Variants in ADAMTS19 observed in about 807,000 individuals in gnomAD.
The protein encoded by ADAMTS19 is A disintegrin and metalloproteinase with thrombospondin motifs 19.
In ADAMTS19, 93 loss-of-function variants were observed where a neutral mutation model predicts 153.3. The ratio of observed to expected loss-of-function variants is 0.61; its 90% CI spans 0.51 to 0.72. ADAMTS19 has a LOEUF of 0.72. Ranked by LOEUF, ADAMTS19 falls within the 30% of genes least tolerant of loss-of-function variation. The pLI, the probability that ADAMTS19 is intolerant of heterozygous loss-of-function variation, is 0.00. For missense variants in ADAMTS19, 1,482 were observed against 1,552.1 expected (o/e 0.95, Z 0.76); for synonymous variants, 600 against 556.6 (o/e 1.08, Z -1.10).
intron 6 of ADAMTS19, among the ~76,000 whole-genome samples, chr5:129,539,082 T>G (rs1440788838): frequency 2.6e-5 from 4 of 152,150 alleles, no homozygotes; most frequent in African/African-American, 4.8e-5. Flanking sequence ...TGGCAAGTAT[T>G]TTTATGTTAT....
chr5:129,534,610 G>A (rs1752344983), intron 6 of ADAMTS19, among the ~76,000 whole-genome samples: 1 of 152,018 alleles, frequency 6.6e-6, no homozygotes, highest in Non-Finnish European at 1.5e-5. Context: ...GCCTGGCAGA[G>A]ACACAACAAA....
At chr5:129,478,227 G>C (rs1750290462) in intron 2 of ADAMTS19, among the ~76,000 whole-genome samples, 1 of 152,134 alleles carries the variant, frequency 6.6e-6, no homozygotes, top group Non-Finnish European at 1.5e-5. Context: ...TCTATAGGGT[G>C]TTGCTATGTA....
chr5:129,651,220 GATTTTCCATTTGAGCTCCAAACTTGT>G (rs1219113630), intron 13 of ADAMTS19, among the ~76,000 whole-genome samples: 1 of 152,132 alleles, frequency 6.6e-6, no homozygotes, highest in African/African-American at 2.4e-5. Context: ...TCTTCAACTA[GATTTTCCATTTGAGCTCCAAACTTGT>G]ATGTACAACT....
chr5:129,617,659 A>G (rs918288911), intron 8 of ADAMTS19, among the ~76,000 whole-genome samples: 28 of 152,024 alleles, frequency 1.8e-4, no homozygotes, highest in African/African-American at 5.8e-4. Context: ...CATGGCAGAG[A>G]GGAGACAGGA....
chr5:129,628,148 G>C (rs1477415965), intron 10 of ADAMTS19, among the ~76,000 whole-genome samples: 3 of 152,072 alleles, frequency 2.0e-5, no homozygotes, highest in African/African-American at 7.2e-5. Context: ...CGTGTCTTTT[G>C]CAGGAACATG....
chr5:129,670,531 AT>A (rs1188275457), intron 16 of ADAMTS19, among the ~76,000 whole-genome samples: 1 of 152,126 alleles, frequency 6.6e-6, no homozygotes, highest in Non-Finnish European at 1.5e-5. Context: ...GTGAATCTAG[AT>A]TTGAACCCGA....
chr5:129,544,653 T>C (rs901592502), intron 6 of ADAMTS19, among the ~76,000 whole-genome samples: 8 of 152,096 alleles, frequency 5.3e-5, no homozygotes, highest in Non-Finnish European at 1.2e-4. Flanking sequence ...GCAACTAAGG[T>C]AATGTGGTAG....
intron 8 of ADAMTS19, among the ~76,000 whole-genome samples, chr5:129,605,487 C>T (rs1353207455): frequency 1.3e-5 from 2 of 152,176 alleles, no homozygotes; most frequent in Non-Finnish European, 2.9e-5. Context: ...CTTTAGTTCT[C>T]CACTCACGTA....
chr5:129,706,464 G>A (rs1756156055), intron 21 of ADAMTS19, among the ~76,000 whole-genome samples: 1 of 151,798 alleles, frequency 6.6e-6, no homozygotes, highest in African/African-American at 2.4e-5. Context: ...AGCTACTAGG[G>A]AGACTGAGGC....
chr5:129,658,042 T>C (rs1753619577), intron 14 of ADAMTS19, among the ~76,000 whole-genome samples: 2 of 152,094 alleles, frequency 1.3e-5, no homozygotes, highest in Non-Finnish European at 2.9e-5. Flanking sequence ...CCTAACAGTT[T>C]GGGAGGCCAA....
chr5:129,500,956 A>T (rs368875212), intron 2 of ADAMTS19, among the ~76,000 whole-genome samples: 1 of 152,232 alleles, frequency 6.6e-6, no homozygotes, highest in African/African-American at 2.4e-5. Flanking sequence ...ACAAAGTAGA[A>T]TATAAAATTC....
In ADAMTS19 at chr5:129,684,171, C is replaced by G; in HGVS notation, c.2716C>G (p.Pro906Ala). Reference sequence around the variant, plus strand: ...TGGTCTTCACTATGAATACACTATCCCATCAGACCCTCTTCCAGAAAACCA... The same window carrying G: ...TGGTCTTCACTATGAATACACTATCGCATCAGACCCTCTTCCAGAAAACCA... ...NYGLHYEYTI[P>A]SDPLPENQSS... is the part of the protein sequence containing the mutation. The change falls in exon 18 of 23, where the codon CCA (proline) becomes GCA (alanine). Residue 906 changes from proline to alanine, a missense_variant. Coordinates refer to ENST00000274487, the MANE Select transcript of ADAMTS19 (RefSeq NM_133638.6). 3 of 1,614,046 alleles carry G rather than the reference C, an allele frequency of 1.9e-6. No individual in the cohort carries two copies. In the South Asian group the frequency reaches 3.3e-5, roughly 18 times the overall value.
chr5:129,685,593 T>C (rs1755048084), intron 18 of ADAMTS19, among the ~76,000 whole-genome samples: 1 of 152,124 alleles, frequency 6.6e-6, no homozygotes, highest in Non-Finnish European at 1.5e-5. Context: ...ATTAATAAAG[T>C]GTTTGGCTCC....
intron 2 of ADAMTS19, among the ~76,000 whole-genome samples, chr5:129,507,396 C>T (rs978498389): frequency 2.6e-5 from 4 of 151,818 alleles, no homozygotes; most frequent in Non-Finnish European, 5.9e-5. Context: ...ATAATTTTAT[C>T]TTTAATATTT....
At position 129,608,122 on chromosome 5, in the gene ADAMTS19, A is replaced by G. The variant is rs1241021234; in HGVS notation, c.1478+11458A>G. On this transcript the variant is annotated intron_variant, in intron 8 of 22. Transcript: ENST00000274487. The stretch of plus-strand genomic sequence containing the variant: ...TGTGTGTGTGTGTGTGTGTGTATAT[A>G]TATATATATATATATATAATGGAAC... Among the ~76,000 whole-genome samples, 162 of 97,296 alleles carry G rather than the reference A, an allele frequency of 1.7e-3. 2 individuals are homozygous for G. The highest frequency in any genetic ancestry group is 4.9e-3 in the Middle Eastern group (1 of 206). The allele number at this position is 97,296 out of a possible 152,430, so 63.8% of individuals were successfully genotyped here.
chr5:129,575,280 G>A lies in ADAMTS19; in HGVS notation c.1373-21279G>A, dbSNP rs181421000. 6.6e-5 allele frequency among the ~76,000 whole-genome samples: 10 copies of A among 152,098 alleles called. No individual in the cohort carries two copies. The East Asian group carries it at 1.9e-3, about 29-fold the overall frequency. Reference sequence around the variant, plus strand: ...GTGCTTTTGCTAGTATACTAAAAAAGCAATTTATACAGCTTTTTGCTAGCA... The same window carrying A: ...GTGCTTTTGCTAGTATACTAAAAAAACAATTTATACAGCTTTTTGCTAGCA... On this transcript the variant is annotated intron_variant, in intron 7 of 22. Transcript: ENST00000274487.
intron 16 of ADAMTS19, among the ~76,000 whole-genome samples, chr5:129,672,212 T>A (rs560162305): frequency 6.6e-6 from 1 of 152,124 alleles, no homozygotes; most frequent in Non-Finnish European, 1.5e-5. Context: ...ATCCCATTCA[T>A]GAAAACTTCA....
chr5:129,635,817 A>G (rs1423045806), intron 10 of ADAMTS19, among the ~76,000 whole-genome samples: 2 of 152,156 alleles, frequency 1.3e-5, no homozygotes, highest in Non-Finnish European at 2.9e-5. Context: ...GATGAAATAA[A>G]CTATACATCA....
chr5:129,650,665 A>G (rs2127047060), intron 13 of ADAMTS19, among the ~76,000 whole-genome samples: 1 of 152,160 alleles, frequency 6.6e-6, no homozygotes, highest in Middle Eastern at 3.4e-3. Flanking sequence ...TCTTTCAGCT[A>G]TCTTATTGAT....
Sources: gnomAD v4.1 joint callset for allele counts (sites outside exome capture counted in the v4.1 genomes callset) on GRCh38, gnomAD v4.1.1 for gene constraint, MANE v1.5 for transcripts, NCBI Gene and HGNC (gene_info 2026-07-23, HGNC 2026-07-21) for gene names.